Variants in KIF2A observed in about 807,000 individuals in gnomAD.
KIF2A encodes the protein kinesin-like protein KIF2A.
A neutral mutation model predicts 100.2 loss-of-function variants in KIF2A; 22 were observed. The observed-to-expected ratio is 0.22, with a 90% CI of 0.16 to 0.31. KIF2A has a LOEUF of 0.31. Among genes scored for constraint, KIF2A ranks in the 10% least tolerant of loss-of-function variants. The pLI is 1.00. For synonymous variants in KIF2A, 268 were observed against 285.9 expected, an observed-to-expected ratio of 0.94 and a Z score of 0.63; for missense variants, 495 against 898.7, an observed-to-expected ratio of 0.55 and a Z score of 5.74.
At chr5:62,385,275 A>G (rs1561285211) in intron 20 of KIF2A, among the ~76,000 whole-genome samples, 2 of 152,236 alleles carry the variant, frequency 1.3e-5, no homozygotes, top group Admixed American at 1.3e-4. Context: ...ATACAGAAAA[A>G]CAGGTATTTC....
chr5:62,376,068 T>C (rs1052967388), intron 18 of KIF2A, among the ~76,000 whole-genome samples: 5 of 152,320 alleles, frequency 3.3e-5, no homozygotes, highest in Admixed American at 2.0e-4. Flanking sequence ...CTCCCAAAGA[T>C]GTGGAAAACC....
chr5:62,352,610 G>A lies in KIF2A; in HGVS notation c.357G>A (p.Arg119=). The A allele has an allele frequency of 1.3e-6, 2 of 1,589,086 alleles. No individual in the cohort carries two copies. The highest frequency in any genetic ancestry group is 1.7e-6 in the Non-Finnish European group (2 of 1,166,532). The change falls in exon 5 of 21, where the codon CGG becomes CGA. Residue 119 remains arginine, a synonymous_variant. Transcript: ENST00000407818. The part of the protein sequence containing the change: ...DNRVVGSARA[R]PSQFPEQSSS... ...CAGTGGTTGGTTCAGCACGTGCACG[G>A]CCCAGTCAATTTCCTGAACAGTCTT...
rs367659703 is a variant in KIF2A, at chr5:62,306,480, C to T, written c.8C>T (p.Thr3Met). 9 of 1,544,600 alleles carry T rather than the reference C, an allele frequency of 5.8e-6. No individual in the cohort carries two copies. Among genetic ancestry groups the T allele is most frequent in the Non-Finnish European group, 7.9e-6 (9 of 1,144,328 alleles). ...GCTGCTCCAGATGAGGTGATGGCAA[C>T]GGCCAACTTCGGCAAGATCCAGATC... Reference protein sequence around the residue: MATANFGKIQIGI... With the variant: MAMANFGKIQIGI... The change falls in exon 1 of 21, where the codon ACG (threonine) becomes ATG (methionine). Residue 3 changes from threonine to methionine, a missense_variant. Physicochemically the swap from Thr to Met is moderately conservative, Grantham distance 81 (BLOSUM62 -1). Transcript: ENST00000407818.
At chr5:62,362,385 A>T in intron 11 of KIF2A, 65 bp from the exon 12 acceptor site, 1 of 709,062 alleles carries the variant, frequency 1.4e-6, no homozygotes, top group East Asian at 3.4e-5. Context: ...AGAAATAGAA[A>T]ATTTGAGTTG....
At chr5:62,311,869 G>A (rs780933175) in intron 1 of KIF2A, 1 of 152,172 alleles carries the variant, frequency 6.6e-6, no homozygotes. Flanking sequence ...GATCTTCACA[G>A]GAACTCTATG....
chr5:62,327,761 T>C (rs1423851930), intron 1 of KIF2A, among the ~76,000 whole-genome samples: 1 of 152,206 alleles, frequency 6.6e-6, no homozygotes, highest in Non-Finnish European at 1.5e-5. Flanking sequence ...TTGGCCAGGC[T>C]TTGAAAGTAG....
intron 17 of KIF2A, 87 bp downstream of exon 17, chr5:62,372,638 T>TC (rs1741375465): frequency 2.6e-6 from 2 of 757,404 alleles, no homozygotes; most frequent in South Asian, 3.9e-5. Context: ...GCTATTTTTG[T>TC]CCTGAGCCAT....
intron 1 of KIF2A, among the ~76,000 whole-genome samples, chr5:62,324,475 G>A (rs1408265814): frequency 2.0e-5 from 3 of 152,178 alleles, no homozygotes; most frequent in African/African-American, 7.2e-5. Context: ...CAAAGCTGCA[G>A]TAACCAAAAC....
intron 1 of KIF2A, among the ~76,000 whole-genome samples, chr5:62,323,114 G>C (rs1746187817): frequency 6.6e-6 from 1 of 151,670 alleles, no homozygotes; most frequent in South Asian, 2.1e-4. Context: ...AAATTAGCCA[G>C]GCATGGTGGC....
intron 8 of KIF2A, 87 bp from the exon 9 acceptor site, chr5:62,358,050 C>A: frequency 1.0e-6 from 1 of 985,518 alleles, no homozygotes; most frequent in Non-Finnish European, 1.5e-6. Flanking sequence ...CTACTTGTAT[C>A]TTAGTTCTTA....
intron 1 of KIF2A, among the ~76,000 whole-genome samples, chr5:62,324,106 C>T (rs939769961): frequency 2.0e-5 from 3 of 152,036 alleles, no homozygotes; most frequent in African/African-American, 4.8e-5. Flanking sequence ...CACAGAATCT[C>T]ATTTACAGTA....
intron 16 of KIF2A, among the ~76,000 whole-genome samples, chr5:62,367,139 T>G (rs1741112652): frequency 6.6e-6 from 1 of 152,198 alleles, no homozygotes; most frequent in South Asian, 2.1e-4. Context: ...AGGGGCCAGT[T>G]TGTATTTCTT....
At chr5:62,368,547 C>T (rs10471279) in intron 16 of KIF2A, among the ~76,000 whole-genome samples, 17 of 152,118 alleles carry the variant, frequency 1.1e-4, no homozygotes, top group African/African-American at 2.7e-4. Context: ...GTGGCCCAGG[C>T]GGGTGGATTG....
intron 1 of KIF2A, among the ~76,000 whole-genome samples, chr5:62,327,528 A>G (rs562651131): frequency 2.0e-5 from 3 of 152,330 alleles, no homozygotes; most frequent in African/African-American, 7.2e-5. Context: ...ACTTCAGTCT[A>G]TTAGAGAGCC....
chr5:62,372,341 T>G, intron 16 of KIF2A, 97 bp from the exon 17 acceptor site: 1 of 688,852 alleles, frequency 1.5e-6, no homozygotes, highest in Non-Finnish European at 2.6e-6. Context: ...CAATATCCTT[T>G]TCTAAACAAA....
At chr5:62,350,207 G>T in intron 4 of KIF2A, 87 bp downstream of exon 4, 1 of 697,784 alleles carries the variant, frequency 1.4e-6, no homozygotes, top group Non-Finnish European at 2.4e-6. Context: ...CATTACCCTT[G>T]ATGTTGGTAT....
At chr5:62,378,607 A>G (rs1377976422) in intron 19 of KIF2A, among the ~76,000 whole-genome samples, 1 of 152,194 alleles carries the variant, frequency 6.6e-6, no homozygotes. Flanking sequence ...TCAGATTAGG[A>G]TACACGTTCA....
At chr5:62,379,818 T>G (rs1327645457) in intron 19 of KIF2A, among the ~76,000 whole-genome samples, 1 of 152,240 alleles carries the variant, frequency 6.6e-6, no homozygotes, top group African/African-American at 2.4e-5. Flanking sequence ...ATTGAGATTG[T>G]ATGCATCCTA....
At chr5:62,339,809 C>A (rs1425991561) in intron 1 of KIF2A, among the ~76,000 whole-genome samples, 5 of 149,782 alleles carry the variant, frequency 3.3e-5, no homozygotes, top group Non-Finnish European at 5.9e-5. Flanking sequence ...TTAATCCATG[C>A]ATATGCAATT....
Sources: gnomAD v4.1 joint callset for allele counts (sites outside exome capture counted in the v4.1 genomes callset) on GRCh38, gnomAD v4.1.1 for gene constraint, MANE v1.5 for transcripts, NCBI Gene and HGNC (gene_info 2026-07-23, HGNC 2026-07-21) for gene names.